VCL: variants seen among roughly 807,000 people sequenced by gnomAD.
VCL encodes the protein vinculin, also known as epididymis luminal protein 114.
VCL carries 47 observed loss-of-function variants against 125.7 expected under a neutral mutation model. The observed-to-expected ratio is 0.37, with a 90% CI of 0.30 to 0.48. VCL has a LOEUF of 0.48. Among genes scored for constraint, VCL ranks in the 20% least tolerant of loss-of-function variants. The pLI, the probability that VCL is intolerant of heterozygous loss-of-function variation, is 0.99. For synonymous variants in VCL, 458 were observed against 514.6 expected, an observed-to-expected ratio of 0.89 and a Z score of 1.49; for missense variants, 1,069 against 1,455.5, an observed-to-expected ratio of 0.73 and a Z score of 4.32.
intron 8 of VCL, among the ~76,000 whole-genome samples, chr10:74,087,529 TTTTTGG>T (rs1839803970): frequency 7.0e-6 from 1 of 142,944 alleles, no homozygotes; most frequent in African/African-American, 2.6e-5. Flanking sequence ...TTTTTTTTTT[TTTTTGG>T]ATTTTTAGTA....
intron 6 of VCL, among the ~76,000 whole-genome samples, chr10:74,081,469 G>A (rs1471090866): frequency 6.6e-6 from 1 of 152,172 alleles, no homozygotes; most frequent in Non-Finnish European, 1.5e-5. Flanking sequence ...AAGGAAGCTA[G>A]GACATTGCCT....
Position 74,112,078 on chromosome 10 carries a change from C to T in VCL, c.2915C>T (p.Ser972Phe). The change falls in exon 19 of 22, where the codon TCC becomes TTC. Residue 972 changes from serine to phenylalanine, a missense_variant. Around this residue, in one of 6 missense-constraint regions of VCL, gnomAD observed 86 missense variants for 91.0 expected, o/e 0.95. Coordinates refer to ENST00000211998, the MANE Select transcript of VCL (RefSeq NM_014000.3). ...VNQPILAAAQ[S>F]LHREATKWSS... ...CAGCCCATTCTGGCCGCGGCTCAGTCCTTGCATCGGGAAGCTACCAAGTGG... is the reference window on the plus strand; with the variant it reads ...CAGCCCATTCTGGCCGCGGCTCAGTTCTTGCATCGGGAAGCTACCAAGTGG... The T allele has an allele frequency of 6.2e-7, 1 of 1,614,214 alleles. No homozygotes were observed. The highest frequency in any genetic ancestry group is 8.5e-7 in the Non-Finnish European group (1 of 1,180,046).
At chr10:74,026,684 T>A (rs1591658710) in intron 1 of VCL, among the ~76,000 whole-genome samples, 1 of 152,342 alleles carries the variant, frequency 6.6e-6, no homozygotes, top group East Asian at 1.9e-4. Flanking sequence ...ACATCATTTA[T>A]CTCTGAGAGA....
chr10:74,024,577 C>T (rs1840736479), intron 1 of VCL, among the ~76,000 whole-genome samples: 1 of 150,340 alleles, frequency 6.7e-6, no homozygotes, highest in Non-Finnish European at 1.5e-5. Flanking sequence ...CACCATTGCA[C>T]TCTAGGCAAC....
chr10:74,026,177 C>G (rs941584465), intron 1 of VCL, among the ~76,000 whole-genome samples: 5 of 152,190 alleles, frequency 3.3e-5, no homozygotes, highest in Admixed American at 2.0e-4. Flanking sequence ...GTTGAACATG[C>G]CTGGCCCCCA....
chr10:74,095,801 A>C lies in VCL; in HGVS notation c.1689A>C (p.Glu563Asp). Residue 563 changes from glutamate (E) to aspartate (D), a missense_variant, in exon 12 of 22, where the codon GAA becomes GAC. By Grantham distance (45) the Glu-to-Asp change is conservative. Coordinates refer to ENST00000211998, the MANE Select transcript of VCL (RefSeq NM_014000.3). ...AQLADLAARG[E>D]GESPQARALA... ...TGGCTGACCTGGCTGCCAGAGGGGA[A>C]GGGGAGAGTCCTCAGGCACGAGCAC... is the stretch of plus-strand genomic sequence containing the variant. 4 of 1,614,182 alleles carry C rather than the reference A, an allele frequency of 2.5e-6. No individual in the cohort carries two copies. Among genetic ancestry groups the C allele is most frequent in the Non-Finnish European group, 3.4e-6 (4 of 1,180,036 alleles).
chr10:74,078,484 T>A (rs1425563851), intron 6 of VCL, among the ~76,000 whole-genome samples: 1 of 152,202 alleles, frequency 6.6e-6, no homozygotes, highest in Non-Finnish European at 1.5e-5. Flanking sequence ...TTTTAGCAGC[T>A]AATAGAATGA....
chr10:74,021,632 ACT>A (rs1840668748), intron 1 of VCL, among the ~76,000 whole-genome samples: 1 of 152,076 alleles, frequency 6.6e-6, no homozygotes. Flanking sequence ...ATACCAGAAG[ACT>A]CTGTCTCTGA....
At chr10:74,110,955 G>A (rs192913987) in intron 18 of VCL, among the ~76,000 whole-genome samples, 2,035 of 152,158 alleles carry the variant, frequency 0.013, 50 homozygotes, top group Non-Finnish European at 0.015. Flanking sequence ...CCATTCTTCT[G>A]AGCTTCTGTG....
At chr10:74,016,472 A>G (rs368949091) in intron 1 of VCL, among the ~76,000 whole-genome samples, 19 of 152,126 alleles carry the variant, frequency 1.2e-4, no homozygotes, top group East Asian at 9.7e-4. Context: ...TTAACTAGGC[A>G]TGGTGGTGTA....
chr10:74,105,373 A>G lies in VCL; in HGVS notation c.2434+20A>G. 1 of 1,611,982 alleles carries G rather than the reference A, an allele frequency of 6.2e-7. No homozygotes were observed. The highest frequency in any genetic ancestry group is 8.5e-7 in the Non-Finnish European group (1 of 1,179,870). ...ACCCTGGTAAGCAATGCATGGCACT[A>G]TGTCTCACCTCCACTGAGAGGTTAA... On this transcript the variant is annotated intron_variant, in intron 16 of 21. Transcript: ENST00000211998.
chr10:74,039,011 A>T (rs1301274854), intron 1 of VCL, among the ~76,000 whole-genome samples: 2 of 152,100 alleles, frequency 1.3e-5, no homozygotes, highest in Non-Finnish European at 2.9e-5. Context: ...TCCCAGGTTC[A>T]AGCGATTCTC....
At position 74,100,500 on chromosome 10, in the gene VCL, A is replaced by G. The variant is rs967749539; in HGVS notation, c.1873-448A>G. The stretch of plus-strand genomic sequence containing the variant: ...GCTGCTCTGGGGAGCCTGGAGCTCA[A>G]TTTAGGACTGTGTGGATGTTCTGGG... On this transcript the variant is annotated intron_variant, in intron 13 of 21. Coordinates refer to ENST00000211998, the MANE Select transcript of VCL (RefSeq NM_014000.3). Among the ~76,000 whole-genome samples the G allele has an allele frequency of 2.6e-5, 4 of 152,290 alleles. No individual in the cohort carries two copies. In the South Asian group the frequency reaches 6.2e-4, roughly 24 times the overall value.
chr10:74,083,173 C>T (rs1239257023), intron 7 of VCL, among the ~76,000 whole-genome samples, 193 bp from the exon 8 acceptor site: 1 of 152,008 alleles, frequency 6.6e-6, no homozygotes, highest in African/African-American at 2.4e-5. Flanking sequence ...TCTTTTTTTG[C>T]GTGTCTGTTG....
intron 1 of VCL, among the ~76,000 whole-genome samples, chr10:74,022,955 A>G (rs1264197512): frequency 2.0e-5 from 3 of 152,190 alleles, no homozygotes; most frequent in African/African-American, 7.2e-5. Flanking sequence ...TTGTCTCTAG[A>G]TCTCCAGGGA....
At chr10:74,090,992 G>C (rs1839873469) in intron 10 of VCL, among the ~76,000 whole-genome samples, 1 of 151,810 alleles carries the variant, frequency 6.6e-6, no homozygotes, top group Non-Finnish European at 1.5e-5. Context: ...GTAGAGACGG[G>C]GTGTTGCTAT....
intron 16 of VCL, among the ~76,000 whole-genome samples, chr10:74,106,335 T>G (rs1481375864): frequency 6.6e-6 from 1 of 152,246 alleles, no homozygotes; most frequent in Non-Finnish European, 1.5e-5. Context: ...TGGTGTTAAC[T>G]TCTCTTGGGC....
At chr10:74,017,349 C>T (rs1315812079) in intron 1 of VCL, among the ~76,000 whole-genome samples, 1 of 152,144 alleles carries the variant, frequency 6.6e-6, no homozygotes, top group Non-Finnish European at 1.5e-5. Context: ...GCCCGGCCTC[C>T]TTCCTTTTTA....
At chr10:74,098,274 C>T (rs767715126) in intron 13 of VCL, among the ~76,000 whole-genome samples, 27 of 152,322 alleles carry the variant, frequency 1.8e-4, no homozygotes, top group Admixed American at 2.0e-4. Context: ...ATGTCACTTT[C>T]GGGTGACCAC....
Sources: gnomAD v4.1 joint callset for allele counts (sites outside exome capture counted in the v4.1 genomes callset) on GRCh38, gnomAD v4.1.1 for gene constraint, gnomAD v4.1.1 regional missense constraint, MANE v1.5 for transcripts, NCBI Gene and HGNC (gene_info 2026-07-23, HGNC 2026-07-21) for gene names.